Variants in PAPPA observed in about 807,000 individuals in gnomAD.
The protein encoded by PAPPA is pappalysin 1.
In PAPPA, 60 loss-of-function variants were observed where a neutral mutation model predicts 164.0. The ratio of observed to expected loss-of-function variants is 0.37; its 90% CI spans 0.30 to 0.45. The LOEUF (loss-of-function observed/expected upper bound fraction) is 0.45. PAPPA is among the 20% of genes least tolerant of loss of function. The probability of loss-of-function intolerance (pLI) is 1.00; values close to 1 mark genes in which losing one functional copy is unlikely to be tolerated. For synonymous variants in PAPPA, 875 were observed against 814.1 expected (o/e 1.07, Z -1.27); for missense variants, 1,782 against 2,087.3 (o/e 0.85, Z 2.85).
rs140156203 is a variant in PAPPA, at chr9:116,292,902, G to A, written c.2954-9855G>A. ...GAAGCCCTCAAATGAGTCTGTGGGG[G>A]AGGATCCCAGACAACTAGGATGACA... On this transcript the variant is annotated intron_variant, in intron 9 of 21. Coordinates refer to ENST00000328252, the MANE Select transcript of PAPPA (RefSeq NM_002581.5). Among the ~76,000 whole-genome samples, 740 of 152,248 alleles carry A rather than the reference G, an allele frequency of 4.9e-3. 9 individuals are homozygous for A. Among genetic ancestry groups the A allele is most frequent in the African/African-American group, 0.017 (711 of 41,558 alleles).
intron 21 of PAPPA, among the ~76,000 whole-genome samples, chr9:116,385,492 C>T (rs1846797821): frequency 6.6e-6 from 1 of 152,090 alleles, no homozygotes; most frequent in Admixed American, 6.6e-5. Flanking sequence ...TATATTTGAA[C>T]ACCAAGCCAC....
intron 6 of PAPPA, among the ~76,000 whole-genome samples, chr9:116,233,220 C>T (rs1166458490): frequency 1.3e-5 from 2 of 152,234 alleles, no homozygotes; most frequent in African/African-American, 4.8e-5. Flanking sequence ...CGAAGCAGTG[C>T]TCTTTAATAG....
At chr9:116,383,095 A>G (rs888115004) in intron 21 of PAPPA, among the ~76,000 whole-genome samples, 2 of 152,188 alleles carry the variant, frequency 1.3e-5, no homozygotes, top group Non-Finnish European at 2.9e-5. Flanking sequence ...ATCAGGACAC[A>G]CCCAGGAGTG....
intron 1 of PAPPA, among the ~76,000 whole-genome samples, chr9:116,170,549 C>G (rs1843764755): frequency 1.3e-5 from 2 of 151,964 alleles, no homozygotes; most frequent in South Asian, 4.2e-4. Flanking sequence ...TTCCATCAAT[C>G]TACTCTTCCA....
chr9:116,386,880 G>A (rs1846821461), intron 21 of PAPPA, among the ~76,000 whole-genome samples: 1 of 152,060 alleles, frequency 6.6e-6, no homozygotes, highest in Non-Finnish European at 1.5e-5. Context: ...GTTTCCCGTG[G>A]GCATCCACAG....
chr9:116,287,346 T>C (rs1419756652), intron 9 of PAPPA: 2 of 152,184 alleles, frequency 1.3e-5, no homozygotes, highest in African/African-American at 4.8e-5. Flanking sequence ...GGGGGTGGGT[T>C]TCCAGGCAGG....
intron 7 of PAPPA, among the ~76,000 whole-genome samples, chr9:116,259,584 A>G (rs139808669): frequency 6.6e-6 from 1 of 152,374 alleles, no homozygotes; most frequent in Non-Finnish European, 1.5e-5. Context: ...GCAAAATAAA[A>G]CAATAATTAA....
intron 7 of PAPPA, among the ~76,000 whole-genome samples, chr9:116,246,100 T>C (rs1191389884): frequency 6.6e-6 from 1 of 152,184 alleles, no homozygotes; most frequent in Non-Finnish European, 1.5e-5. Context: ...GTTTTAAATG[T>C]GTATTTGAAT....
At chr9:116,371,901 C>T (rs1846579908) in intron 19 of PAPPA, among the ~76,000 whole-genome samples, 1 of 152,118 alleles carries the variant, frequency 6.6e-6, no homozygotes, top group African/African-American at 2.4e-5. Context: ...ATTGGTTTTG[C>T]TTATTTGTAA....
At chr9:116,249,431 T>G (rs1844834017) in intron 7 of PAPPA, among the ~76,000 whole-genome samples, 1 of 152,112 alleles carries the variant, frequency 6.6e-6, no homozygotes, top group African/African-American at 2.4e-5. Context: ...CAGAGTTCAT[T>G]GCTGTAAGGT....
Position 116,360,437 on chromosome 9 carries a change from C to T in PAPPA, c.4348-2155C>T, listed in dbSNP as rs1434895574. Among the ~76,000 whole-genome samples, 6 of 152,110 alleles carry T rather than the reference C, an allele frequency of 3.9e-5. 1 individual carries two copies. In the South Asian group the frequency reaches 6.2e-4, roughly 16 times the overall value. On this transcript the variant is annotated intron_variant, in intron 17 of 21. Coordinates refer to ENST00000328252, the MANE Select transcript of PAPPA (RefSeq NM_002581.5). ...CATTGCAATTGTACCCTCCTTTTGC[C>T]GGCAAAGGAGAGGCCTGGAAAGGGG...
At chr9:116,356,630 T>C (rs1185893247) in intron 17 of PAPPA, among the ~76,000 whole-genome samples, 2 of 152,248 alleles carry the variant, frequency 1.3e-5, no homozygotes, top group African/African-American at 4.8e-5. Flanking sequence ...CCCCATTTCT[T>C]GTTTTTGTCA....
At chr9:116,283,282 G>C (rs1845288972) in intron 9 of PAPPA, among the ~76,000 whole-genome samples, 3 of 152,184 alleles carry the variant, frequency 2.0e-5, no homozygotes, top group African/African-American at 4.8e-5. Flanking sequence ...ATTGGCATTA[G>C]AGGTCCCCTG....
At position 116,154,010 on chromosome 9, in the gene PAPPA, C is replaced by A; in HGVS notation, c.-163C>A. On this transcript the variant is annotated 5_prime_UTR_variant, in exon 1 of 22. Transcript: ENST00000328252. The surrounding 1 kb of genome is among the most constrained non-coding windows in gnomAD (Gnocchi z 5.2). ...AAAGGTGGGGAGAGTGGAGCACACACCTTGAGGAGGAAAGCGAGAAAGAAA... is the reference window on the plus strand; with the variant it reads ...AAAGGTGGGGAGAGTGGAGCACACAACTTGAGGAGGAAAGCGAGAAAGAAA... The A allele has an allele frequency of 1.1e-6, 1 of 907,916 alleles. No homozygotes were observed. Among genetic ancestry groups the A allele is most frequent in the Non-Finnish European group, 1.4e-6 (1 of 704,620 alleles). The allele number at this position is 907,916 out of a possible 1,614,324, so 56.2% of individuals were successfully genotyped here.
In PAPPA at chr9:116,355,665, C is replaced by T. The variant is rs140324172; in HGVS notation, c.4347+1872C>T. Among the ~76,000 whole-genome samples the T allele has an allele frequency of 2.5e-4, 38 of 152,272 alleles. No homozygotes were observed. The East Asian group carries it at 6.6e-3, about 26-fold the overall frequency. On this transcript the variant is annotated intron_variant, in intron 17 of 21. Coordinates refer to ENST00000328252, the MANE Select transcript of PAPPA (RefSeq NM_002581.5). ...GCTGAGCCAAATAATATTCTGGCTG[C>T]GGTCATGTTATCAAACTGAAACTCA...
chr9:116,220,157 C>CCTCT, intron 5 of PAPPA, 28 bp downstream of exon 5: 1 of 1,518,824 alleles, frequency 6.6e-7, no homozygotes, highest in African/African-American at 1.4e-5. Context: ...AGTGTTGATC[C>CCTCT]CTCTCTCTCT....
intron 1 of PAPPA, among the ~76,000 whole-genome samples, chr9:116,179,999 T>C (rs572315093): frequency 4.6e-5 from 7 of 152,248 alleles, no homozygotes; most frequent in Middle Eastern, 3.4e-3. Flanking sequence ...TGTATTCTCC[T>C]GGCAGATGTC....
At chr9:116,173,459 AT>A (rs1473668602) in intron 1 of PAPPA, among the ~76,000 whole-genome samples, 1 of 152,106 alleles carries the variant, frequency 6.6e-6, no homozygotes, top group African/African-American at 2.4e-5. Flanking sequence ...CCAGCTAATG[AT>A]CCCCACCCAC....
intron 9 of PAPPA, among the ~76,000 whole-genome samples, chr9:116,277,317 TGAAAGAGGAAAAA>T (rs1845211335): frequency 6.6e-6 from 1 of 152,050 alleles, no homozygotes; most frequent in African/African-American, 2.4e-5. Flanking sequence ...GGCAGGCCTA[TGAAAGAGGAAAAA>T]GAAAGAGGAA....
Sources: allele counts gnomAD v4.1 joint callset (sites outside exome capture counted in the v4.1 genomes callset), GRCh38; gene constraint gnomAD v4.1.1; non-coding constraint Gnocchi (gnomAD v3.1); transcripts MANE v1.5; gene names NCBI Gene and HGNC (gene_info 2026-07-23, HGNC 2026-07-21).